Variants in SNX24 observed in about 807,000 individuals in gnomAD.
SNX24 encodes sorting nexin 24, also known as sorting nexin-24.
In SNX24, 22 loss-of-function variants were observed where a neutral mutation model predicts 28.7. That is an observed-to-expected ratio of 0.77 (90% CI 0.55 to 1.10). The LOEUF is 1.10. Among genes scored for constraint, SNX24 ranks in the 50% least tolerant of loss-of-function variants. SNX24 has a pLI of 0.00. For missense variants in SNX24, 221 were observed against 201.1 expected (o/e 1.10, Z -0.60); for synonymous variants, 69 against 71.5 (o/e 0.96, Z 0.18).
At chr5:122,993,061 T>C (rs1188456627) in intron 3 of SNX24, among the ~76,000 whole-genome samples, 1 of 152,118 alleles carries the variant, frequency 6.6e-6, no homozygotes, top group African/African-American at 2.4e-5. Context: ...ATTCAGCGTT[T>C]AGTGCAGGTC....
At chr5:122,927,452 G>GA (rs1243338054) in intron 1 of SNX24, among the ~76,000 whole-genome samples, 1 of 152,118 alleles carries the variant, frequency 6.6e-6, no homozygotes, top group African/African-American at 2.4e-5. Context: ...TAAACCATCT[G>GA]AAAAGGGGAT....
At chr5:122,903,518 C>T (rs1225722150) in intron 1 of SNX24, among the ~76,000 whole-genome samples, 9 of 152,202 alleles carry the variant, frequency 5.9e-5, no homozygotes, top group Non-Finnish European at 1.3e-4. Context: ...TCTGTGAAGT[C>T]TGACTGACCT....
intron 1 of SNX24, among the ~76,000 whole-genome samples, chr5:122,873,110 G>A (rs1756056513): frequency 6.6e-6 from 1 of 152,040 alleles, no homozygotes; most frequent in South Asian, 2.1e-4. Flanking sequence ...GGGACTAAAG[G>A]CACCACACCA....
Position 122,879,081 on chromosome 5 carries a change from G to T in SNX24, c.60+33388G>T, listed in dbSNP as rs750168026. Among the ~76,000 whole-genome samples, 69 of 152,116 alleles carry T rather than the reference G, an allele frequency of 4.5e-4. 1 individual carries two copies. Among genetic ancestry groups the T allele is most frequent in the South Asian group, 6.2e-4 (3 of 4,814 alleles). ...TGAAATGAATTGTAATAATATATTT[G>T]ATTTAATGCAATAAATCCAAAGTAT... is the stretch of plus-strand genomic sequence containing the variant. On this transcript the variant is annotated intron_variant, in intron 1 of 6. Coordinates refer to ENST00000261369, the MANE Select transcript of SNX24 (RefSeq NM_014035.4).
chr5:123,006,588 G>C (rs1448267603), intron 6 of SNX24, among the ~76,000 whole-genome samples: 2 of 152,200 alleles, frequency 1.3e-5, no homozygotes, highest in Non-Finnish European at 1.5e-5. Flanking sequence ...TCCCTCAGTA[G>C]CTTCCCATTG....
intron 3 of SNX24, among the ~76,000 whole-genome samples, chr5:122,968,761 C>T (rs964213311): frequency 6.6e-6 from 1 of 152,094 alleles, no homozygotes; most frequent in Non-Finnish European, 1.5e-5. Flanking sequence ...AAAATATTAT[C>T]ACTACTCATA....
intron 1 of SNX24, among the ~76,000 whole-genome samples, chr5:122,889,916 A>AT (rs35217710): frequency 0.031 from 4,267 of 139,142 alleles, 91 homozygotes; most frequent in Non-Finnish European, 0.041. Flanking sequence ...CCTTGTTAGT[A>AT]TTTTTTTTTT....
chr5:123,002,387 CT>C (rs1200250197), intron 6 of SNX24, among the ~76,000 whole-genome samples: 1 of 152,144 alleles, frequency 6.6e-6, no homozygotes, highest in Non-Finnish European at 1.5e-5. Context: ...AATCCCAGCA[CT>C]TTGGGAGGCC....
At chr5:122,956,219 T>G (rs73799916) in intron 3 of SNX24, among the ~76,000 whole-genome samples, 1,783 of 152,194 alleles carry the variant, frequency 0.012, 26 homozygotes, top group African/African-American at 0.041. Context: ...GACGTTCTAT[T>G]ATATGTGGTG....
chr5:122,988,527 T>G (rs1028170628), intron 3 of SNX24, among the ~76,000 whole-genome samples: 16 of 152,214 alleles, frequency 1.1e-4, no homozygotes, highest in South Asian at 1.0e-3. Context: ...ATCATAAAAT[T>G]TGTGATTAAA....
intron 3 of SNX24, among the ~76,000 whole-genome samples, chr5:122,988,480 C>T (rs1467395956): frequency 1.3e-5 from 2 of 152,106 alleles, no homozygotes; most frequent in African/African-American, 2.4e-5. Context: ...TTCTTGCTAT[C>T]CCCCTTTAAT....
chr5:122,847,568 A>G (rs1402898713), intron 1 of SNX24, among the ~76,000 whole-genome samples: 1 of 140,872 alleles, frequency 7.1e-6, no homozygotes, highest in Non-Finnish European at 1.5e-5. Flanking sequence ...ATCTCAGCTC[A>G]CTGCAACCTC....
At chr5:122,993,051 A>T (rs899917891) in intron 3 of SNX24, among the ~76,000 whole-genome samples, 2 of 150,456 alleles carry the variant, frequency 1.3e-5, no homozygotes. Flanking sequence ...CCTTTTCGGC[A>T]TTCAGCGTTT....
intron 1 of SNX24, among the ~76,000 whole-genome samples, chr5:122,876,675 A>C (rs928825318): frequency 2.0e-5 from 3 of 152,238 alleles, no homozygotes; most frequent in African/African-American, 7.2e-5. Flanking sequence ...ACAAAATCAC[A>C]CAATACTTGT....
At chr5:122,850,848 T>TA (rs1754885778) in intron 1 of SNX24, among the ~76,000 whole-genome samples, 1 of 123,254 alleles carries the variant, frequency 8.1e-6, no homozygotes, top group African/African-American at 3.1e-5. Flanking sequence ...GGGCCAAGGG[T>TA]AAAACCTTAG....
intron 6 of SNX24, among the ~76,000 whole-genome samples, chr5:123,003,728 T>C (rs188112128): frequency 6.6e-6 from 1 of 152,348 alleles, no homozygotes; most frequent in East Asian, 1.9e-4. Context: ...AGGAACTTTC[T>C]GGGAAGAAAC....
At chr5:122,860,054 A>G (rs980282993) in intron 1 of SNX24, among the ~76,000 whole-genome samples, 1 of 152,140 alleles carries the variant, frequency 6.6e-6, no homozygotes, top group African/African-American at 2.4e-5. Context: ...TCTCTTTAGG[A>G]TTGGGAGGGT....
chr5:122,918,163 A>G (rs931887920), intron 1 of SNX24, among the ~76,000 whole-genome samples: 2 of 151,976 alleles, frequency 1.3e-5, no homozygotes, highest in African/African-American at 2.4e-5. Flanking sequence ...AATCCTAGAA[A>G]TTTGGGAGGC....
intron 3 of SNX24, among the ~76,000 whole-genome samples, chr5:122,986,465 AAACCCAAAG>A (rs1315691682): frequency 1.3e-5 from 2 of 152,190 alleles, no homozygotes; most frequent in East Asian, 3.8e-4. Context: ...GATCTGAAAC[AAACCCAAAG>A]AGTCACAGAA....
Sources: gnomAD v4.1 joint callset for allele counts (sites outside exome capture counted in the v4.1 genomes callset) on GRCh38, gnomAD v4.1.1 for gene constraint, MANE v1.5 for transcripts, NCBI Gene and HGNC (gene_info 2026-07-23, HGNC 2026-07-21) for gene names.